RASGRP1: variants seen among roughly 807,000 people sequenced by gnomAD.
RASGRP1 encodes RAS guanyl releasing protein 1, also known as RAS guanyl-releasing protein 1.
Under a neutral mutation model 95.1 loss-of-function variants are expected in RASGRP1, and 37 were observed. That is an observed-to-expected ratio of 0.39 (90% confidence interval 0.30 to 0.51). The LOEUF (loss-of-function observed/expected upper bound fraction) is 0.51. RASGRP1 is among the 20% of genes least tolerant of loss of function. The pLI, the probability that RASGRP1 is intolerant of heterozygous loss-of-function variation, is 0.80. For synonymous variants in RASGRP1, 325 were observed against 353.4 expected, an observed-to-expected ratio of 0.92 and a Z score of 0.90; for missense variants, 711 against 965.4, an observed-to-expected ratio of 0.74 and a Z score of 3.49.
chr15:38,529,213 A>G (rs1340486945), intron 2 of RASGRP1, among the ~76,000 whole-genome samples: 1 of 152,196 alleles, frequency 6.6e-6, no homozygotes, highest in African/African-American at 2.4e-5. Context: ...AGAAGTCAGG[A>G]CAAACTCCTA....
rs1288551653 is a variant in RASGRP1 at position 38,516,193 on chromosome 15, A to C, written c.675+4T>G. ...GATTTTTCTCCTGCCCCTTGCATACATACCGATATCCTCCGGAAAGACTTG... is the reference window on the plus strand; with the variant it reads ...GATTTTTCTCCTGCCCCTTGCATACCTACCGATATCCTCCGGAAAGACTTG... On this transcript the variant is annotated splice_donor_region_variant and intron_variant, in intron 6 of 16. Coordinates refer to ENST00000310803, the MANE Select transcript of RASGRP1 (RefSeq NM_005739.4). 6.3e-7 allele frequency: 1 copy of C among 1,582,312 alleles called. No homozygotes were observed.
chr15:38,506,480 CAA>C (rs1451750482), intron 9 of RASGRP1, among the ~76,000 whole-genome samples: 1 of 151,830 alleles, frequency 6.6e-6, no homozygotes, highest in Non-Finnish European at 1.5e-5. Flanking sequence ...ACAAAAAATA[CAA>C]AAGTTAACCG....
rs1410844988 is a variant in RASGRP1 at position 38,510,642 on chromosome 15, T to C, written c.966+962A>G. 3.3e-5 allele frequency among the ~76,000 whole-genome samples: 5 copies of C among 152,368 alleles called. No individual in the cohort carries two copies. The South Asian group carries it at 8.3e-4, about 25-fold the overall frequency. The stretch of plus-strand genomic sequence containing the variant: ...CCATGCCATACATTTATATCCTCGG[T>C]ATATTACAGTGGTTTATATTTATAA... On this transcript the variant is annotated intron_variant, in intron 8 of 16. Transcript: ENST00000310803.
chr15:38,515,685 G>C (rs764921933), intron 6 of RASGRP1, among the ~76,000 whole-genome samples: 1 of 151,826 alleles, frequency 6.6e-6, no homozygotes, highest in Non-Finnish European at 1.5e-5. Context: ...GGCTAGGGCA[G>C]TAGAATCTAT....
chr15:38,518,725 A>G (rs747177038), intron 4 of RASGRP1, among the ~76,000 whole-genome samples: 3 of 152,220 alleles, frequency 2.0e-5, no homozygotes, highest in Non-Finnish European at 2.9e-5. Context: ...GGAGAGAACT[A>G]TAGATAAACC....
At chr15:38,493,010 A>G (rs939683320) in intron 16 of RASGRP1, among the ~76,000 whole-genome samples, 2 of 151,434 alleles carry the variant, frequency 1.3e-5, no homozygotes, top group African/African-American at 4.9e-5. Context: ...CCTCCCAAGT[A>G]GCTGGGACTA....
intron 16 of RASGRP1, among the ~76,000 whole-genome samples, chr15:38,492,197 A>G (rs1186987389): frequency 6.6e-6 from 1 of 152,198 alleles, no homozygotes; most frequent in African/African-American, 2.4e-5. Context: ...CCACCTTCTC[A>G]TTGACTTGGT....
chr15:38,538,961 A>T (rs1892762506), intron 2 of RASGRP1, among the ~76,000 whole-genome samples: 1 of 152,094 alleles, frequency 6.6e-6, no homozygotes, highest in African/African-American at 2.4e-5. Flanking sequence ...AAGTACTAAT[A>T]ACCTCTATTT....
chr15:38,490,551 G>T lies in RASGRP1; in HGVS notation c.*3C>A. The T allele has an allele frequency of 1.9e-6, 3 of 1,607,604 alleles. No individual in the cohort carries two copies. On this transcript the variant is annotated 3_prime_UTR_variant, in exon 17 of 17. Coordinates refer to ENST00000310803, the MANE Select transcript of RASGRP1 (RefSeq NM_005739.4). Reference sequence around the variant, plus strand: ...CTACAGATTGTGCTACTTAGTTTCTGGGCTAAGAACAGTCACCCTGCTCCA... The same window carrying T: ...CTACAGATTGTGCTACTTAGTTTCTTGGCTAAGAACAGTCACCCTGCTCCA...
At chr15:38,515,547 A>G (rs979798240) in intron 6 of RASGRP1, among the ~76,000 whole-genome samples, 1 of 152,172 alleles carries the variant, frequency 6.6e-6, no homozygotes, top group Non-Finnish European at 1.5e-5. Flanking sequence ...CTGATGATCA[A>G]CTGAAATCTC....
At chr15:38,550,298 C>T (rs1893288257) in intron 2 of RASGRP1, among the ~76,000 whole-genome samples, 3 of 149,708 alleles carry the variant, frequency 2.0e-5, no homozygotes, top group Admixed American at 2.0e-4. Flanking sequence ...GACAAAAGAT[C>T]TTTTCTTGTT....
chr15:38,503,414 A>G (rs764214882), intron 10 of RASGRP1, 38 bp from the exon 11 acceptor site: 4 of 1,391,816 alleles, frequency 2.9e-6, no homozygotes, highest in South Asian at 2.4e-5. Flanking sequence ...CATGACTACA[A>G]TGCAATATTA....
intron 2 of RASGRP1, among the ~76,000 whole-genome samples, chr15:38,553,673 C>T (rs1893426129): frequency 6.6e-6 from 1 of 152,166 alleles, no homozygotes; most frequent in South Asian, 2.1e-4. Flanking sequence ...CAGACATCCA[C>T]ATTCTATTTA....
chr15:38,564,447 G>T, intron 1 of RASGRP1, 147 bp downstream of exon 1: 1 of 347,020 alleles, frequency 2.9e-6, no homozygotes. Context: ...GGACACGTCC[G>T]CCCGTCGCGC....
chr15:38,516,055 C>A (rs1891767775), intron 6 of RASGRP1, 142 bp downstream of exon 6: 3 of 960,800 alleles, frequency 3.1e-6, no homozygotes, highest in Non-Finnish European at 4.6e-6. Flanking sequence ...CTGATTTTTT[C>A]AGACTCTATG....
Position 38,520,069 on chromosome 15 carries a change from CAT to C in RASGRP1, c.327-700_327-699del, listed in dbSNP as rs146660397. On this transcript the variant is annotated intron_variant, in intron 3 of 16. Coordinates refer to ENST00000310803, the MANE Select transcript of RASGRP1 (RefSeq NM_005739.4). The stretch of plus-strand genomic sequence containing the variant: ...GAATAGCAAGATCTCATCAAGTTCA[CAT>C]GTCTTTAAAGATAAATGGAAAAAAA... Among the ~76,000 whole-genome samples the C allele has an allele frequency of 2.2e-3, 339 of 152,290 alleles. 2 individuals are homozygous for C. Among genetic ancestry groups the C allele is most frequent in the African/African-American group, 6.5e-3 (270 of 41,570 alleles).
chr15:38,489,550 T>C lies in RASGRP1; in HGVS notation c.*1004A>G, dbSNP rs1890487709. On this transcript the variant is annotated 3_prime_UTR_variant, in exon 17 of 17. Coordinates refer to ENST00000310803, the MANE Select transcript of RASGRP1 (RefSeq NM_005739.4). ...TGCCTGATATTGTATATACATATTA[T>C]ATACATATGTACACACAGTCAGCTA... 6.6e-6 allele frequency: 1 copy of C among 152,520 alleles called. No individual in the cohort carries two copies. The highest frequency in any genetic ancestry group is 1.5e-5 in the Non-Finnish European group (1 of 67,918). The allele number at this position is 152,520 out of a possible 1,614,324, so 9.4% of individuals were successfully genotyped here. A position where few individuals can be genotyped will look rare whatever the true frequency, so the allele number is the denominator to read the frequency against.
chr15:38,525,665 G>A (rs553923930), intron 3 of RASGRP1, among the ~76,000 whole-genome samples: 154 of 152,286 alleles, frequency 1.0e-3, no homozygotes, highest in Non-Finnish European at 1.6e-3. Context: ...AGGGACCTGC[G>A]CCTTGGGTGC....
chr15:38,518,262 C>T (rs569479181), intron 5 of RASGRP1, 30 bp downstream of exon 5: 20 of 1,601,492 alleles, frequency 1.2e-5, no homozygotes, highest in Admixed American at 8.5e-5. Context: ...GAGGTGGTTT[C>T]GAAAGATGAG....
Sources: allele counts gnomAD v4.1 joint callset (sites outside exome capture counted in the v4.1 genomes callset), GRCh38; gene constraint gnomAD v4.1.1; transcripts MANE v1.5; gene names NCBI Gene and HGNC (gene_info 2026-07-23, HGNC 2026-07-21).